ARHGEF7: variants seen among roughly 807,000 people sequenced by gnomAD.
ARHGEF7 encodes the protein Rho guanine nucleotide exchange factor 7.
In ARHGEF7, 33 loss-of-function variants were observed where a neutral mutation model predicts 109.8. The observed-to-expected ratio is 0.30, with a 90% confidence interval of 0.23 to 0.40. The LOEUF (loss-of-function observed/expected upper bound fraction) is 0.40, where lower values mean the gene tolerates loss of function less well. Ranked by LOEUF, ARHGEF7 falls within the 10% of genes least tolerant of loss-of-function variation. ARHGEF7 has a pLI of 1.00. For synonymous variants in ARHGEF7, 458 were observed against 424.6 expected (o/e 1.08, Z -0.97); for missense variants, 938 against 1,098.5 (o/e 0.85, Z 2.07).
intron 1 of ARHGEF7, 151 bp from the exon 2 acceptor site, chr13:111,153,754 T>C: frequency 9.7e-6 from 13 of 1,346,564 alleles, no homozygotes; most frequent in Non-Finnish European, 1.2e-5. Flanking sequence ...CGGGTTGGCA[T>C]CTGGGGCAGC....
intron 2 of ARHGEF7, among the ~76,000 whole-genome samples, chr13:111,166,881 A>G (rs1168240745): frequency 1.3e-5 from 2 of 152,182 alleles, no homozygotes; most frequent in Non-Finnish European, 2.9e-5. Flanking sequence ...GTTAGTCTGT[A>G]TCATGTGGAA....
chr13:111,267,757 T>C, intron 9 of ARHGEF7, 87 bp downstream of exon 9: 1 of 1,500,422 alleles, frequency 6.7e-7, no homozygotes, highest in Non-Finnish European at 9.0e-7. Flanking sequence ...ATGCTAATAG[T>C]CCCTTGGTTA....
chr13:111,221,331 C>A lies in ARHGEF7; in HGVS notation c.670+3451C>A, dbSNP rs375791788. On this transcript the variant is annotated intron_variant, in intron 5 of 21. Transcript: ENST00000646102. ...TATATCTATATATAGATATATATGTCTATATATATCTATATATATGTCTAT... is the reference window on the plus strand; with the variant it reads ...TATATCTATATATAGATATATATGTATATATATATCTATATATATGTCTAT... Among the ~76,000 whole-genome samples the A allele has an allele frequency of 9.6e-4, 7 of 7,308 alleles. 2 individuals carry two copies. The highest frequency in any genetic ancestry group is 8.8e-3 in the East Asian group (5 of 566). The allele number at this position is 7,308 out of a possible 152,430, so 4.8% of individuals were successfully genotyped here. A position where few individuals can be genotyped will look rare whatever the true frequency, so the allele number is the denominator to read the frequency against.
chr13:111,235,814 C>T (rs759321481), intron 6 of ARHGEF7, among the ~76,000 whole-genome samples: 1 of 152,264 alleles, frequency 6.6e-6, no homozygotes, highest in East Asian at 1.9e-4. Context: ...TTTGTAGTTT[C>T]GTTTTCACAG....
intron 8 of ARHGEF7, among the ~76,000 whole-genome samples, chr13:111,261,878 A>C (rs547835043): frequency 6.6e-6 from 1 of 152,358 alleles, no homozygotes; most frequent in African/African-American, 2.4e-5. Context: ...CAGTGGGTCA[A>C]TGAAGAAATT....
At chr13:111,155,802 G>A (rs1192593046) in intron 2 of ARHGEF7, among the ~76,000 whole-genome samples, 1 of 152,214 alleles carries the variant, frequency 6.6e-6, no homozygotes, top group African/African-American at 2.4e-5. Context: ...GAGGCTGGGT[G>A]TGGTGGCTCA....
intron 2 of ARHGEF7, among the ~76,000 whole-genome samples, chr13:111,173,726 A>G (rs571106081): frequency 1.3e-5 from 2 of 152,012 alleles, no homozygotes; most frequent in African/African-American, 4.8e-5. Context: ...GCCTCTCCCC[A>G]CATTGAATGG....
intron 17 of ARHGEF7, 150 bp downstream of exon 17, chr13:111,286,390 C>A (rs906453899): frequency 4.5e-5 from 30 of 659,428 alleles, no homozygotes; most frequent in Admixed American, 1.0e-4. Context: ...GAATAAGCCA[C>A]GTAACATTTA....
chr13:111,204,951 G>T (rs972148133), intron 2 of ARHGEF7, among the ~76,000 whole-genome samples: 1 of 149,982 alleles, frequency 6.7e-6, no homozygotes, highest in Admixed American at 6.7e-5. Flanking sequence ...AGGAGAGGAG[G>T]ATTGCGCAAG....
At chr13:111,244,446 C>G in intron 8 of ARHGEF7, 152 bp downstream of exon 8, 1 of 593,352 alleles carries the variant, frequency 1.7e-6, no homozygotes, top group Non-Finnish European at 2.9e-6. Flanking sequence ...ACAGTAAAAG[C>G]TGTATTTTAG....
intron 8 of ARHGEF7, among the ~76,000 whole-genome samples, chr13:111,247,432 C>A (rs1159415655): frequency 1.3e-5 from 2 of 152,112 alleles, no homozygotes; most frequent in Non-Finnish European, 2.9e-5. Context: ...CCATGCCCAG[C>A]TAATTTTTAT....
intron 2 of ARHGEF7, among the ~76,000 whole-genome samples, chr13:111,163,970 T>C (rs1268650003): frequency 1.3e-5 from 2 of 152,242 alleles, no homozygotes; most frequent in East Asian, 1.9e-4. Flanking sequence ...GAATTTGTTA[T>C]GGCCACAGCA....
chr13:111,247,593 A>AT (rs962516507), intron 8 of ARHGEF7, among the ~76,000 whole-genome samples: 2,955 of 146,874 alleles, frequency 0.02, 92 homozygotes, highest in African/African-American at 0.07. Flanking sequence ...ATTTCTTTTG[A>AT]TTTTTTTTTT....
intron 5 of ARHGEF7, among the ~76,000 whole-genome samples, chr13:111,220,119 GC>G (rs2083639016): frequency 6.6e-6 from 1 of 152,208 alleles, no homozygotes; most frequent in Non-Finnish European, 1.5e-5. Flanking sequence ...TCCTAGCCCA[GC>G]CCCACCAGTT....
At chr13:111,203,538 G>T (rs891363769) in intron 2 of ARHGEF7, among the ~76,000 whole-genome samples, 4 of 152,190 alleles carry the variant, frequency 2.6e-5, no homozygotes, top group Admixed American at 2.0e-4. Flanking sequence ...AATGGCATCG[G>T]TAAGCACATA....
chr13:111,178,049 C>CTT (rs1426904066), intron 2 of ARHGEF7, among the ~76,000 whole-genome samples: 1 of 152,194 alleles, frequency 6.6e-6, no homozygotes, highest in Non-Finnish European at 1.5e-5. Context: ...CCTAAACTTC[C>CTT]TGTTTCTCAG....
chr13:111,292,271 G>A lies in ARHGEF7; in HGVS notation c.2288G>A (p.Ser763Asn), dbSNP rs1463112650. Residue 763 changes from serine (S) to asparagine (N), a missense_variant, in exon 19 of 22, where the codon AGT (serine) becomes AAT (asparagine). Physicochemically the swap from Ser to Asn is conservative, Grantham distance 46. This residue lies in a region of ARHGEF7 where 166 missense variants were observed against 167.3 expected (regional missense o/e 0.99). Transcript: ENST00000646102. ...SDYDSIWTAH[S>N]YRMGSTSRSR... ...TATGACAGTATATGGACAGCCCATAGTTACAGAATGGGTTCTACATCTCGT... is the reference window on the plus strand; with the variant it reads ...TATGACAGTATATGGACAGCCCATAATTACAGAATGGGTTCTACATCTCGT... 6.2e-7 allele frequency: 1 copy of A among 1,614,232 alleles called. No homozygotes were observed. The highest frequency in any genetic ancestry group is 2.2e-5 in the East Asian group (1 of 44,882).
intron 1 of ARHGEF7, 22 bp downstream of exon 1, chr13:111,115,713 CGCCCGCGCCCCCCGGTCCG>C: frequency 8.8e-7 from 1 of 1,140,448 alleles, no homozygotes; most frequent in Non-Finnish European, 1.1e-6. Context: ...CCCGCGCCCC[CGCCCGCGCCCCCCGGTCCG>C]GCCCGCTGCG....
intron 4 of ARHGEF7, among the ~76,000 whole-genome samples, chr13:111,213,469 G>A (rs2153480543): frequency 6.6e-6 from 1 of 152,354 alleles, no homozygotes; most frequent in Non-Finnish European, 1.5e-5. Context: ...AGATGAGGAG[G>A]CAGAGCATGA....
Sources: gnomAD v4.1 joint callset for allele counts (sites outside exome capture counted in the v4.1 genomes callset) on GRCh38, gnomAD v4.1.1 for gene constraint, gnomAD v4.1.1 regional missense constraint, MANE v1.5 for transcripts, NCBI Gene and HGNC (gene_info 2026-07-23, HGNC 2026-07-21) for gene names.